The following CCR3 variants were observed in gnomAD, a reference collection of about 807,000 sequenced individuals.
CCR3 encodes the protein C-C chemokine receptor type 3.
For synonymous variants in CCR3, 203 were observed against 179.2 expected, an observed-to-expected ratio of 1.13 and a Z score of -1.06; for missense variants, 419 against 437.5, an observed-to-expected ratio of 0.96 and a Z score of 0.38.
upstream of CCR3, among the ~76,000 whole-genome samples, chr3:46,241,312 C>T (rs1026602043): frequency 1.3e-5 from 2 of 152,146 alleles, no homozygotes; most frequent in African/African-American, 2.4e-5. Flanking sequence ...ACTCATTTGT[C>T]GAGTTAGTCA....
Position 46,265,244 on chromosome 3 carries a change from C to T in CCR3, c.86C>T (p.Thr29Ile), listed in dbSNP as rs1700596115. 2.5e-6 allele frequency: 4 copies of T among 1,613,926 alleles called. No homozygotes were observed. Among genetic ancestry groups the T allele is most frequent in the African/African-American group, 1.3e-5 (1 of 75,024 alleles). ...DVGLLCEKAD[T>I]RALMAQFVPP... The stretch of plus-strand genomic sequence containing the variant: ...GGCCTGCTCTGTGAAAAAGCTGATA[C>T]CAGAGCACTGATGGCCCAGTTTGTG... The change falls in exon 2 of 2, where the codon ACC becomes ATC. Residue 29 changes from threonine (T) to isoleucine (I), a missense_variant. Physicochemically the swap from Thr to Ile is moderately conservative, Grantham distance 89. Coordinates refer to ENST00000395940, the MANE Select transcript of CCR3 (RefSeq NM_178329.3).
intron 1 of CCR3, among the ~76,000 whole-genome samples, chr3:46,257,924 A>G (rs1700458762): frequency 6.6e-6 from 1 of 152,196 alleles, no homozygotes; most frequent in African/African-American, 2.4e-5. Context: ...GGGTAGTTGT[A>G]TAGTTCAAAG....
intron 1 of CCR3, among the ~76,000 whole-genome samples, chr3:46,252,842 C>G (rs1451482588): frequency 1.3e-5 from 2 of 152,000 alleles, no homozygotes; most frequent in African/African-American, 2.4e-5. Flanking sequence ...TAAGGATATT[C>G]TTTATTCTAC....
rs763115809 is a variant in CCR3, at chr3:46,265,320, G to A, written c.162G>A (p.Val54=). ...VFTVGLLGNV[V]VVMILIKYRR... ...CTGTGGGCCTCTTGGGCAATGTGGT[G>A]GTGGTGATGATCCTCATAAAATACA... The change falls in exon 2 of 2, where the codon GTG becomes GTA. Residue 54 remains valine (V), a synonymous_variant. Coordinates refer to ENST00000395940, the MANE Select transcript of CCR3 (RefSeq NM_178329.3). 2 of 1,614,104 alleles carry A rather than the reference G, an allele frequency of 1.2e-6. No homozygotes were observed. Among genetic ancestry groups the A allele is most frequent in the East Asian group, 2.2e-5 (1 of 44,872 alleles).
At chr3:46,249,647 A>G (rs935987945) in intron 1 of CCR3, among the ~76,000 whole-genome samples, 1 of 152,192 alleles carries the variant, frequency 6.6e-6, no homozygotes, top group African/African-American at 2.4e-5. Context: ...AGTGGCTGCC[A>G]GGTGAGTTGA....
rs1340632862 is a variant in CCR3 at position 46,256,824 on chromosome 3, C to T, written c.-11-8324C>T. ...TCTTTGGATGAGATCAATCGAGAAT[C>T]ATGATGGGTCACCACCATATTTGCC... On this transcript the variant is annotated intron_variant, in intron 1 of 1. Transcript: ENST00000395940. 2.6e-5 allele frequency among the ~76,000 whole-genome samples: 4 copies of T among 152,090 alleles called. 1 individual carries two copies. In the East Asian group the frequency reaches 7.7e-4, roughly 29 times the overall value.
intron 1 of CCR3, among the ~76,000 whole-genome samples, chr3:46,248,929 C>T (rs1486583907): frequency 6.6e-6 from 1 of 152,142 alleles, no homozygotes; most frequent in Non-Finnish European, 1.5e-5. Flanking sequence ...TAAGGCTTGT[C>T]TGGTTTTAGG....
chr3:46,230,040 G>T (rs777744611), intron 2 of CCR3, among the ~76,000 whole-genome samples: 7 of 152,028 alleles, frequency 4.6e-5, no homozygotes, highest in Non-Finnish European at 7.4e-5. Flanking sequence ...ATTCCTTCTG[G>T]CTCTGTGGGC....
rs146728985 is a variant in CCR3, at chr3:46,216,478, C to G, written c.-68+5571C>G. ...TGCTAGTGATCTAGAAATCCAAATA[C>G]AAGAAGCTCAAAGAACACCTGGAAA... On this transcript the variant is annotated intron_variant, in intron 2 of 3. Transcript: ENST00000357422. Among the ~76,000 whole-genome samples, 326 of 152,240 alleles carry G rather than the reference C, an allele frequency of 2.1e-3. 2 individuals carry two copies. Among genetic ancestry groups the G allele is most frequent in the African/African-American group, 7.4e-3 (306 of 41,528 alleles).
intron 1 of CCR3, among the ~76,000 whole-genome samples, chr3:46,245,172 T>C (rs13073976): frequency 0.058 from 8,761 of 151,996 alleles, 386 homozygotes; most frequent in South Asian, 0.19. Flanking sequence ...TGCCCTAAAA[T>C]ACCAATTCTG....
chr3:46,248,329 G>C (rs1362771188), intron 1 of CCR3, among the ~76,000 whole-genome samples: 1 of 152,208 alleles, frequency 6.6e-6, no homozygotes, highest in Non-Finnish European at 1.5e-5. Context: ...GAAATGTAGA[G>C]AGTGAGTTGA....
At chr3:46,260,560 T>G (rs34442386) in intron 1 of CCR3, among the ~76,000 whole-genome samples, 1 of 152,044 alleles carries the variant, frequency 6.6e-6, no homozygotes, top group African/African-American at 2.4e-5. Flanking sequence ...CAGTCAAACC[T>G]TAAAGCTCCA....
chr3:46,237,501 G>C (rs917298224), upstream of CCR3, among the ~76,000 whole-genome samples: 1 of 152,172 alleles, frequency 6.6e-6, no homozygotes, highest in Non-Finnish European at 1.5e-5. Context: ...TTAGCCACAA[G>C]AGCTTTGCCT....
In CCR3 at chr3:46,265,829, A is replaced by C. The variant is rs1700618134; in HGVS notation, c.671A>C (p.Lys224Thr). ...GCCATCTGCTACACAGGAATCATCA[A>C]AACGCTGCTGAGGTGCCCCAGTAAA... ...VMAICYTGII[K>T]TLLRCPSKKK... The change falls in exon 2 of 2, where the codon AAA (lysine) becomes ACA (threonine). Residue 224 changes from lysine (K) to threonine (T), a missense_variant. Lys to Thr is a moderately conservative substitution (Grantham distance 78). Transcript: ENST00000395940. The C allele has an allele frequency of 6.2e-7, 1 of 1,614,000 alleles. No individual in the cohort carries two copies. The highest frequency in any genetic ancestry group is 8.5e-7 in the Non-Finnish European group (1 of 1,179,972).
At chr3:46,250,519 A>C (rs1700285986) in intron 1 of CCR3, among the ~76,000 whole-genome samples, 1 of 152,190 alleles carries the variant, frequency 6.6e-6, no homozygotes, top group South Asian at 2.1e-4. Flanking sequence ...CAGGCACCTC[A>C]GACCATTTGC....
chr3:46,232,218 C>T (rs1699972522), intron 2 of CCR3, among the ~76,000 whole-genome samples: 1 of 152,126 alleles, frequency 6.6e-6, no homozygotes, highest in South Asian at 2.1e-4. Context: ...ACAACACAAT[C>T]CCTCACGGGA....
At chr3:46,222,713 G>T (rs1699851042) in intron 2 of CCR3, among the ~76,000 whole-genome samples, 1 of 152,242 alleles carries the variant, frequency 6.6e-6, no homozygotes, top group South Asian at 2.1e-4. Flanking sequence ...ATGCCACCTT[G>T]GGCATTTTTA....
chr3:46,228,574 T>C (rs1036677585), intron 2 of CCR3, among the ~76,000 whole-genome samples: 2 of 152,242 alleles, frequency 1.3e-5, no homozygotes, highest in Non-Finnish European at 1.5e-5. Flanking sequence ...CAGACTTATT[T>C]TGAAATCTGC....
At chr3:46,249,626 G>A (rs2060304084) in intron 1 of CCR3, among the ~76,000 whole-genome samples, 2 of 152,194 alleles carry the variant, frequency 1.3e-5, no homozygotes, top group Admixed American at 6.5e-5. Context: ...CAGAGTTCCA[G>A]GGGCTCTGGG....
Sources: gnomAD v4.1 joint callset for allele counts (sites outside exome capture counted in the v4.1 genomes callset) on GRCh38, gnomAD v4.1.1 for gene constraint, MANE v1.5 for transcripts, NCBI Gene and HGNC (gene_info 2026-07-23, HGNC 2026-07-21) for gene names.